NME5: variants seen among roughly 807,000 people sequenced by gnomAD.
The protein encoded by NME5 is NME/NM23 family member 5.
Under a neutral mutation model 21.6 loss-of-function variants are expected in NME5, and 18 were observed. That is an observed-to-expected ratio of 0.83 (90% confidence interval 0.58 to 1.24). NME5 has a LOEUF of 1.24. Among genes scored for constraint, NME5 ranks in the 50% most tolerant of loss-of-function variants. The pLI is 0.00. For missense variants in NME5, 223 were observed against 255.4 expected, an observed-to-expected ratio of 0.87 and a Z score of 0.86; for synonymous variants, 70 against 80.6, an observed-to-expected ratio of 0.87 and a Z score of 0.71.
At chr5:138,119,613 G>A (rs548527438) in intron 4 of NME5, among the ~76,000 whole-genome samples, 4 of 151,900 alleles carry the variant, frequency 2.6e-5, no homozygotes, top group Non-Finnish European at 5.9e-5. Flanking sequence ...GAGATTACAG[G>A]CATGAGCCAC....
At chr5:138,122,741 G>A (rs899442111) in intron 4 of NME5, among the ~76,000 whole-genome samples, 5 of 150,102 alleles carry the variant, frequency 3.3e-5, no homozygotes, top group Non-Finnish European at 5.9e-5. Flanking sequence ...GCAGTGGTGC[G>A]ATCTCGGTTC....
At chr5:138,127,047 C>T (rs767800539) in intron 4 of NME5, among the ~76,000 whole-genome samples, 4 of 152,146 alleles carry the variant, frequency 2.6e-5, no homozygotes, top group South Asian at 4.2e-4. Flanking sequence ...TCGCTGGGCA[C>T]GGTAGCTCAC....
chr5:138,128,817 G>T (rs1475418438), intron 3 of NME5, among the ~76,000 whole-genome samples: 2 of 152,142 alleles, frequency 1.3e-5, no homozygotes, highest in East Asian at 1.9e-4. Context: ...TAAAAACGTG[G>T]TGTTGTTTTG....
chr5:138,132,906 A>AT (rs548575395), intron 2 of NME5, among the ~76,000 whole-genome samples: 147 of 152,260 alleles, frequency 9.7e-4, no homozygotes, highest in African/African-American at 3.4e-3. Context: ...ATTATCTAAA[A>AT]TTAAGACATG....
chr5:138,122,441 T>TAAAGAAAAAAAAA (rs1751305740), intron 4 of NME5, among the ~76,000 whole-genome samples: 1 of 34,454 alleles, frequency 2.9e-5, no homozygotes, highest in African/African-American at 1.1e-4. Context: ...ACTCTGTCTC[T>TAAAGAAAAAAAAA]AAAAAAAAAA....
chr5:138,117,781 G>A (rs958407580), intron 5 of NME5, among the ~76,000 whole-genome samples: 3 of 152,032 alleles, frequency 2.0e-5, no homozygotes, highest in Non-Finnish European at 4.4e-5. Context: ...TCAGGAGTTC[G>A]AGACCAGCCT....
At chr5:138,126,975 C>T (rs1023704618) in intron 4 of NME5, among the ~76,000 whole-genome samples, 10 of 151,784 alleles carry the variant, frequency 6.6e-5, no homozygotes, top group African/African-American at 1.7e-4. Flanking sequence ...TAAAAGCTAA[C>T]GAGCAAAAGT....
At chr5:138,127,131 G>A (rs217280) in intron 4 of NME5, among the ~76,000 whole-genome samples, 54,558 of 151,786 alleles carry the variant, frequency 0.36, 10,044 homozygotes, top group South Asian at 0.45. Context: ...TTCTAAAAGT[G>A]GTTTTTGTTT....
At chr5:138,125,586 C>A (rs1280530348) in intron 4 of NME5, among the ~76,000 whole-genome samples, 3 of 151,834 alleles carry the variant, frequency 2.0e-5, no homozygotes, top group Middle Eastern at 3.2e-3. Context: ...GACCACCCCC[C>A]AGAAAAAAGG....
chr5:138,137,041 TC>T (rs1751715274), intron 2 of NME5, among the ~76,000 whole-genome samples: 1 of 151,710 alleles, frequency 6.6e-6, no homozygotes, highest in Non-Finnish European at 1.5e-5. Flanking sequence ...ACAAAATAAA[TC>T]CATTATCTTT....
chr5:138,128,169 T>C (rs1751476907), intron 4 of NME5, among the ~76,000 whole-genome samples: 1 of 152,188 alleles, frequency 6.6e-6, no homozygotes, highest in South Asian at 2.1e-4. Flanking sequence ...TGAATCAAGA[T>C]TGTGCCACTG....
chr5:138,124,823 G>C (rs1463446523), intron 4 of NME5, among the ~76,000 whole-genome samples: 3 of 151,982 alleles, frequency 2.0e-5, no homozygotes, highest in African/African-American at 7.2e-5. Flanking sequence ...GCCAGGCTAG[G>C]GCTGAATAAA....
At position 138,138,765 on chromosome 5, in the gene NME5, G is replaced by A; in HGVS notation, c.16C>T (p.Pro6Ser). ...TTTTCTACATATATCTGAGGTGGAG[G>A]CATTGATATCTCCATTATGGCTTTT... is the stretch of plus-strand genomic sequence containing the variant. MEISM[P>S]PPQIYVEKTL... Residue 6 changes from proline (P) to serine (S), a missense_variant, in exon 2 of 6, where the codon CCT becomes TCT. By Grantham distance (74) the Pro-to-Ser change is moderately conservative (BLOSUM62 -1). Transcript: ENST00000265191. The A allele has an allele frequency of 6.2e-7, 1 of 1,610,106 alleles. No individual in the cohort carries two copies. The highest frequency in any genetic ancestry group is 8.5e-7 in the Non-Finnish European group (1 of 1,178,906).
chr5:138,126,015 T>G (rs1426506119), intron 4 of NME5, among the ~76,000 whole-genome samples: 3 of 152,216 alleles, frequency 2.0e-5, no homozygotes, highest in Non-Finnish European at 2.9e-5. Flanking sequence ...GTTCATCAAC[T>G]GCTAAGTAAG....
intron 2 of NME5, among the ~76,000 whole-genome samples, chr5:138,130,487 T>G (rs904411391): frequency 1.3e-5 from 2 of 152,206 alleles, no homozygotes; most frequent in African/African-American, 4.8e-5. Context: ...CTTGATTCAC[T>G]GTAACATTAA....
chr5:138,138,786 C>T lies in NME5; in HGVS notation c.-5-1G>A, dbSNP rs1391913838. On this transcript the variant is annotated splice_acceptor_variant, in intron 1 of 5. Coordinates refer to ENST00000265191, the MANE Select transcript of NME5 (RefSeq NM_003551.3). LOFTEE classifies it low-confidence loss of function (5UTR_SPLICE). ...GGAGGCATTGATATCTCCATTATGG[C>T]TTTTCAGGGCACAAATTAAGAGTTT... 1.9e-6 allele frequency: 3 copies of T among 1,598,576 alleles called. No individual in the cohort carries two copies. Among genetic ancestry groups the T allele is most frequent in the African/African-American group, 1.4e-5 (1 of 73,758 alleles).
intron 2 of NME5, among the ~76,000 whole-genome samples, chr5:138,136,498 T>C (rs1003061639): frequency 6.6e-6 from 1 of 152,154 alleles, no homozygotes; most frequent in Admixed American, 6.5e-5. Flanking sequence ...TTTTTATCTT[T>C]TTCTAGGAGC....
chr5:138,115,939 T>C (rs970042449), intron 5 of NME5, among the ~76,000 whole-genome samples, 175 bp from the exon 6 acceptor site: 2 of 152,180 alleles, frequency 1.3e-5, no homozygotes, highest in Admixed American at 1.3e-4. Flanking sequence ...AGATCCAAAC[T>C]GGCAAGAAAG....
At chr5:138,119,036 A>C in intron 4 of NME5, 100 bp from the exon 5 acceptor site, 1 of 698,470 alleles carries the variant, frequency 1.4e-6, no homozygotes, top group South Asian at 2.0e-5. Context: ...CTATTTTTTT[A>C]TATGTTTTTT....
Sources: allele counts gnomAD v4.1 joint callset (sites outside exome capture counted in the v4.1 genomes callset), GRCh38; gene constraint gnomAD v4.1.1; transcripts MANE v1.5; gene names NCBI Gene and HGNC (gene_info 2026-07-23, HGNC 2026-07-21).